Variants in CDK5RAP1 observed in about 807,000 individuals in gnomAD.
CDK5RAP1 encodes CDK5RAP1 mitochondrial tRNA methylthiotransferase.
A neutral mutation model predicts 64.5 loss-of-function variants in CDK5RAP1; 62 were observed. The ratio of observed to expected loss-of-function variants is 0.96; its 90% CI spans 0.78 to 1.19. The LOEUF (loss-of-function observed/expected upper bound fraction) is 1.19. Among genes scored for constraint, CDK5RAP1 ranks in the 50% most tolerant of loss-of-function variants. The pLI, the probability that CDK5RAP1 is intolerant of heterozygous loss-of-function variation, is 0.00. For synonymous variants in CDK5RAP1, 250 were observed against 261.9 expected, an observed-to-expected ratio of 0.95 and a Z score of 0.44; for missense variants, 657 against 735.0, an observed-to-expected ratio of 0.89 and a Z score of 1.23.
In CDK5RAP1 at chr20:33,374,114, C is replaced by G. The variant is rs1985559687; in HGVS notation, c.1205+1G>C. 7 of 1,609,102 alleles carry G rather than the reference C, an allele frequency of 4.4e-6. No individual in the cohort carries two copies. The highest frequency in any genetic ancestry group is 1.7e-5 in the Admixed American group (1 of 59,978). On this transcript the variant is annotated splice_donor_variant, in intron 9 of 13. Coordinates refer to ENST00000346416, the MANE Select transcript of CDK5RAP1 (RefSeq NM_016408.4). LOFTEE classifies it high-confidence loss of function. ...ATGCCCCCTCTCCAAGCAAGCCTGACCCCCTCCGCATGGCCTCCAACACAC... is the reference window on the plus strand; with the variant it reads ...ATGCCCCCTCTCCAAGCAAGCCTGAGCCCCTCCGCATGGCCTCCAACACAC...
chr20:33,393,637 A>T (rs1988581400), intron 4 of CDK5RAP1, among the ~76,000 whole-genome samples: 1 of 152,120 alleles, frequency 6.6e-6, no homozygotes, highest in Non-Finnish European at 1.5e-5. Flanking sequence ...GGAGTCACCC[A>T]TCTCTACTCA....
At chr20:33,398,561 T>A (rs551429887) in intron 1 of CDK5RAP1, among the ~76,000 whole-genome samples, 1 of 152,098 alleles carries the variant, frequency 6.6e-6, no homozygotes, top group Admixed American at 6.6e-5. Context: ...AAGATCTAAA[T>A]GTTATCAATA....
intron 5 of CDK5RAP1, among the ~76,000 whole-genome samples, chr20:33,388,550 CTCTCCCT>C (rs1233632305): frequency 2.3e-5 from 2 of 86,954 alleles, no homozygotes; most frequent in African/African-American, 9.6e-5. Flanking sequence ...CCCTCTCCCC[CTCTCCCT>C]CTCCCTCTCC....
chr20:33,401,187 A>G (rs1989375163), intron 1 of CDK5RAP1, among the ~76,000 whole-genome samples: 1 of 152,236 alleles, frequency 6.6e-6, no homozygotes, highest in African/African-American at 2.4e-5. Context: ...TGTCAACCCC[A>G]CTTCACGGGT....
At chr20:33,390,660 A>T (rs999078311) in intron 5 of CDK5RAP1, among the ~76,000 whole-genome samples, 1 of 152,072 alleles carries the variant, frequency 6.6e-6, no homozygotes, top group Non-Finnish European at 1.5e-5. Flanking sequence ...TATTCTTGGG[A>T]TTTCTGAAAT....
intron 5 of CDK5RAP1, 75 bp downstream of exon 5, chr20:33,392,067 A>G: frequency 1.1e-6 from 1 of 903,728 alleles, no homozygotes; most frequent in Non-Finnish European, 1.8e-6. Flanking sequence ...TCCAGCCTCT[A>G]AAGGAAACAC....
chr20:33,369,391 G>T (rs1326535137), intron 11 of CDK5RAP1, among the ~76,000 whole-genome samples: 1 of 151,950 alleles, frequency 6.6e-6, no homozygotes, highest in African/African-American at 2.4e-5. Flanking sequence ...GCTGAGGCAG[G>T]AGAATGGCAT....
chr20:33,392,172 A>G lies in CDK5RAP1; in HGVS notation c.514T>C (p.Ser172Pro). The part of the protein sequence containing the change: ...LKALKTRRPR[S>P]RVPLRIGILG... ...ATTCCAATCCTCAGAGGAACCCGGG[A>G]GCGGGGCCGCCTTGTCTTCAAGGCT... Residue 172 changes from serine (S) to proline (P), a missense_variant, in exon 5 of 14, where the codon TCC becomes CCC. Ser to Pro is a moderately conservative substitution (Grantham distance 74). Coordinates refer to ENST00000346416, the MANE Select transcript of CDK5RAP1 (RefSeq NM_016408.4). The G allele has an allele frequency of 6.2e-7, 1 of 1,613,178 alleles. No individual in the cohort carries two copies. The highest frequency in any genetic ancestry group is 1.3e-5 in the African/African-American group (1 of 75,016).
intron 5 of CDK5RAP1, among the ~76,000 whole-genome samples, chr20:33,389,922 C>A (rs1600792837): frequency 6.8e-6 from 1 of 147,022 alleles, no homozygotes; most frequent in African/African-American, 2.5e-5. Context: ...AAATGTACTA[C>A]ATATACACAA....
intron 8 of CDK5RAP1, 118 bp from the exon 9 acceptor site, chr20:33,374,330 T>C (rs1293234909): frequency 1.5e-6 from 1 of 671,022 alleles, no homozygotes; most frequent in Non-Finnish European, 2.6e-6. Context: ...AAGAGGCTAA[T>C]TAAACCAGAC....
chr20:33,363,791 C>T (rs1983373899), intron 12 of CDK5RAP1, among the ~76,000 whole-genome samples: 2 of 151,944 alleles, frequency 1.3e-5, no homozygotes, highest in Non-Finnish European at 1.5e-5. Flanking sequence ...CCAGCTACTC[C>T]GGAGGCTGAA....
At chr20:33,395,537 C>G (rs910263065) in intron 2 of CDK5RAP1, among the ~76,000 whole-genome samples, 2 of 151,880 alleles carry the variant, frequency 1.3e-5, no homozygotes, top group African/African-American at 4.8e-5. Context: ...GAGACTGAGG[C>G]TGCCGTGAGC....
intron 10 of CDK5RAP1, 85 bp downstream of exon 10, chr20:33,372,557 A>G (rs1394451787): frequency 8.4e-6 from 5 of 594,666 alleles, no homozygotes; most frequent in Non-Finnish European, 5.7e-6. Flanking sequence ...TCACAAGGAA[A>G]TGCCAAAGGT....
At chr20:33,374,297 C>A (rs1985610111) in intron 8 of CDK5RAP1, 85 bp from the exon 9 acceptor site, 1 of 825,708 alleles carries the variant, frequency 1.2e-6, no homozygotes. Flanking sequence ...TATGTATCCT[C>A]CAAGGTCAAT....
At chr20:33,400,460 C>A (rs368894595) in intron 1 of CDK5RAP1, among the ~76,000 whole-genome samples, 34 of 152,316 alleles carry the variant, frequency 2.2e-4, no homozygotes, top group Admixed American at 5.2e-4. Context: ...AAATTTCTGT[C>A]TCTGAGCCGC....
intron 5 of CDK5RAP1, among the ~76,000 whole-genome samples, chr20:33,389,561 C>T (rs1186499200): frequency 1.3e-5 from 2 of 149,632 alleles, no homozygotes; most frequent in African/African-American, 4.9e-5. Flanking sequence ...CCCCGCCCGG[C>T]CAGCCGCCCC....
chr20:33,364,160 T>C (rs1983446668), intron 12 of CDK5RAP1, among the ~76,000 whole-genome samples: 1 of 151,834 alleles, frequency 6.6e-6, no homozygotes, highest in Non-Finnish European at 1.5e-5. Context: ...TCTAGACATA[T>C]ATACTGAAAT....
chr20:33,360,318 A>G (rs1982658150), intron 13 of CDK5RAP1, 33 bp downstream of exon 13: 9 of 1,594,192 alleles, frequency 5.6e-6, no homozygotes, highest in Non-Finnish European at 7.7e-6. Context: ...CTCATTTCAC[A>G]GTGCAAGCCA....
At chr20:33,392,517 T>C (rs1988438156) in intron 4 of CDK5RAP1, among the ~76,000 whole-genome samples, 2 of 151,322 alleles carry the variant, frequency 1.3e-5, no homozygotes, top group Admixed American at 1.3e-4. Context: ...TTAGTGTATC[T>C]TATGTGTGGC....
Sources: gnomAD v4.1 joint callset for allele counts (sites outside exome capture counted in the v4.1 genomes callset) on GRCh38, gnomAD v4.1.1 for gene constraint, MANE v1.5 for transcripts, NCBI Gene and HGNC (gene_info 2026-07-23, HGNC 2026-07-21) for gene names.